Variants in TLL1 observed in about 807,000 individuals in gnomAD.
TLL1 encodes tolloid-like protein 1.
TLL1 carries 49 observed loss-of-function variants against 128.2 expected under a neutral mutation model. That is an observed-to-expected ratio of 0.38 (90% CI 0.30 to 0.48). The LOEUF (loss-of-function observed/expected upper bound fraction) is 0.48. TLL1 is among the 20% of genes least tolerant of loss of function. The pLI is 0.96. For synonymous variants in TLL1, 454 were observed against 418.8 expected (o/e 1.08, Z -1.03); for missense variants, 1,123 against 1,242.0 (o/e 0.90, Z 1.44).
intron 1 of TLL1, among the ~76,000 whole-genome samples, chr4:165,874,662 C>T (rs779208856): frequency 6.6e-6 from 1 of 152,326 alleles, no homozygotes; most frequent in East Asian, 1.9e-4. Context: ...TGCATTTGCC[C>T]ATTTAAAATA....
intron 18 of TLL1, among the ~76,000 whole-genome samples, chr4:166,085,645 A>G (rs1741478513): frequency 6.6e-6 from 1 of 152,056 alleles, no homozygotes; most frequent in Admixed American, 6.6e-5. Context: ...ATCATAGTGA[A>G]TGATCTTTTC....
At chr4:166,015,003 A>G (rs1352270760) in intron 8 of TLL1, among the ~76,000 whole-genome samples, 1 of 151,514 alleles carries the variant, frequency 6.6e-6, no homozygotes, top group Non-Finnish European at 1.5e-5. Context: ...TTTTATCAGT[A>G]GGAATTTATA....
intron 9 of TLL1, among the ~76,000 whole-genome samples, chr4:166,031,601 C>T (rs1738774076): frequency 2.0e-5 from 3 of 151,996 alleles, no homozygotes; most frequent in Admixed American, 2.0e-4. Flanking sequence ...CTTTTGAGCT[C>T]AAGTGATCTA....
intron 1 of TLL1, among the ~76,000 whole-genome samples, chr4:165,877,025 T>C (rs1730750826): frequency 6.6e-6 from 1 of 152,242 alleles, no homozygotes; most frequent in Non-Finnish European, 1.5e-5. Context: ...CTATAGACTG[T>C]TGATACTGCC....
At position 166,073,030 on chromosome 4, in the gene TLL1, A is replaced by G. The variant is rs1740860871; in HGVS notation, c.2189-1848A>G. ...GGTCTTATATTAAGTATACCAAACC[A>G]TCATTTTATAAACATTTTCAAAGGA... On this transcript the variant is annotated intron_variant, in intron 16 of 20. Coordinates refer to ENST00000061240, the MANE Select transcript of TLL1 (RefSeq NM_012464.5). Among the ~76,000 whole-genome samples the G allele has an allele frequency of 2.6e-5, 4 of 152,148 alleles. No individual in the cohort carries two copies. In the South Asian group the frequency reaches 8.3e-4, roughly 32 times the overall value.
chr4:165,905,794 T>A (rs1008977347), intron 1 of TLL1, among the ~76,000 whole-genome samples: 2 of 152,194 alleles, frequency 1.3e-5, no homozygotes, highest in African/African-American at 4.8e-5. Flanking sequence ...GAAGAGAAGG[T>A]GTCTGAATGT....
Position 166,100,865 on chromosome 4 carries a change from AC to A in TLL1, c.3033del (p.Lys1013AsnfsTer23). ...CATAAGATATCCAGATACCACACAT[AC>A]CAAAAAATAACACCAAAACCTCTGT... ...KSIRYPDTTH[T>X]KK On this transcript the variant is annotated frameshift_variant, in exon 21 of 21. Transcript: ENST00000061240. LOFTEE classifies it high-confidence loss of function. 1 of 1,612,582 alleles carries A rather than the reference AC, an allele frequency of 6.2e-7. No homozygotes were observed. The highest frequency in any genetic ancestry group is 8.5e-7 in the Non-Finnish European group (1 of 1,179,192).
chr4:166,028,774 A>G (rs1314293351), intron 9 of TLL1, among the ~76,000 whole-genome samples: 1 of 151,964 alleles, frequency 6.6e-6, no homozygotes, highest in African/African-American at 2.4e-5. Flanking sequence ...TTCGTCTATT[A>G]TTAATAAAGC....
In TLL1 at chr4:166,099,403, G is replaced by T. The variant is rs116616112; in HGVS notation, c.2783G>T (p.Arg928Leu). The T allele has an allele frequency of 1.2e-6, 2 of 1,613,516 alleles. No homozygotes were observed. The highest frequency in any genetic ancestry group is 1.7e-5 in the Admixed American group (1 of 59,960). ...CTATTAGTATCAGAACGGGGCTCTC[G>T]ACTTGAATTATCCTTCCAGACATTT... ...EWLLVSERGS[R>L]LELSFQTFEV... The change falls in exon 20 of 21, where the codon CGA (arginine) becomes CTA (leucine). Residue 928 changes from arginine to leucine, a missense_variant. Coordinates refer to ENST00000061240, the MANE Select transcript of TLL1 (RefSeq NM_012464.5).
intron 1 of TLL1, among the ~76,000 whole-genome samples, chr4:165,880,256 T>C: frequency 6.6e-6 from 1 of 152,188 alleles, no homozygotes; most frequent in East Asian, 1.9e-4. Context: ...TTTTGTCAGC[T>C]CCTTATAGAA....
chr4:165,964,159 C>T (rs887880182), intron 1 of TLL1, among the ~76,000 whole-genome samples: 5 of 152,098 alleles, frequency 3.3e-5, no homozygotes, highest in African/African-American at 1.2e-4. Context: ...AATACTTGGG[C>T]TCTGGAATCA....
At chr4:166,026,041 G>C (rs1426277566) in intron 9 of TLL1, among the ~76,000 whole-genome samples, 3 of 152,214 alleles carry the variant, frequency 2.0e-5, no homozygotes, top group African/African-American at 7.2e-5. Flanking sequence ...ACATATGATT[G>C]GAAGTATGAA....
chr4:166,012,500 G>A (rs1415211056), intron 7 of TLL1, among the ~76,000 whole-genome samples: 1 of 151,308 alleles, frequency 6.6e-6, no homozygotes, highest in African/African-American at 2.4e-5. Context: ...GGAAAAAATC[G>A]AACCCCAGAG....
At chr4:166,032,116 C>G (rs2111080219) in intron 9 of TLL1, among the ~76,000 whole-genome samples, 1 of 151,892 alleles carries the variant, frequency 6.6e-6, no homozygotes, top group South Asian at 2.1e-4. Flanking sequence ...TCAAAATAAT[C>G]AACCAAAATT....
At chr4:166,033,548 T>TA (rs1289888951) in intron 9 of TLL1, among the ~76,000 whole-genome samples, 2 of 152,140 alleles carry the variant, frequency 1.3e-5, no homozygotes, top group African/African-American at 2.4e-5. Flanking sequence ...ATATTGTCTT[T>TA]AAAAAATACA....
intron 8 of TLL1, among the ~76,000 whole-genome samples, chr4:166,017,057 C>G (rs1579628330): frequency 6.6e-6 from 1 of 151,832 alleles, no homozygotes; most frequent in African/African-American, 2.4e-5. Context: ...AGCATAGAAC[C>G]CAACAGGTAG....
chr4:166,043,114 T>G lies in TLL1; in HGVS notation c.1379-160T>G, dbSNP rs144193780. ...ACTTTACTAGGTTTTTTTTACCACA[T>G]AAATATTTGCTACATTACAACCAGT... On this transcript the variant is annotated intron_variant, in intron 11 of 20. Transcript: ENST00000061240. Among the ~76,000 whole-genome samples, 1,704 of 152,270 alleles carry G rather than the reference T, an allele frequency of 0.011. 34 individuals are homozygous for G. Among genetic ancestry groups the G allele is most frequent in the African/African-American group, 0.037 (1,548 of 41,550 alleles).
At chr4:165,930,981 C>T (rs1315762562) in intron 1 of TLL1, among the ~76,000 whole-genome samples, 2 of 152,142 alleles carry the variant, frequency 1.3e-5, no homozygotes, top group Non-Finnish European at 2.9e-5. Flanking sequence ...TAAAGTGCTC[C>T]TTGGGTGTCA....
At chr4:166,024,673 AG>A (rs1738409966) in intron 8 of TLL1, among the ~76,000 whole-genome samples, 1 of 152,222 alleles carries the variant, frequency 6.6e-6, no homozygotes, top group African/African-American at 2.4e-5. Flanking sequence ...AGACAAGCTT[AG>A]CAAGAGGAAA....
Sources: allele counts gnomAD v4.1 joint callset (sites outside exome capture counted in the v4.1 genomes callset), GRCh38; gene constraint gnomAD v4.1.1; transcripts MANE v1.5; gene names NCBI Gene and HGNC (gene_info 2026-07-23, HGNC 2026-07-21).